NEBL: variants seen among roughly 807,000 people sequenced by gnomAD.
NEBL encodes LIM and SH3 protein 2.
A neutral mutation model predicts 140.2 loss-of-function variants in NEBL; 122 were observed. The observed-to-expected ratio is 0.87, with a 90% CI of 0.75 to 1.01. The LOEUF (loss-of-function observed/expected upper bound fraction) is 1.01, where lower values mean the gene tolerates loss of function less well. NEBL is among the 50% of genes least tolerant of loss of function. NEBL has a pLI of 0.00. For missense variants in NEBL, 1,365 were observed against 1,231.3 expected, an observed-to-expected ratio of 1.11 and a Z score of -1.62; for synonymous variants, 436 against 398.9, an observed-to-expected ratio of 1.09 and a Z score of -1.11.
intron 3 of NEBL, among the ~76,000 whole-genome samples, chr10:21,191,494 A>G (rs1191280579): frequency 6.6e-6 from 1 of 152,208 alleles, no homozygotes; most frequent in Non-Finnish European, 1.5e-5. Flanking sequence ...ATACCAGGTT[A>G]GGAAGTCAGA....
chr10:21,030,636 G>A, intron 2 of NEBL: 1 of 540,858 alleles, frequency 1.8e-6, no homozygotes, highest in Non-Finnish European at 3.6e-6. Flanking sequence ...GACCAGCAAG[G>A]AAAGATGAAA....
At chr10:21,030,093 G>A in intron 2 of NEBL, 1 of 471,264 alleles carries the variant, frequency 2.1e-6, no homozygotes, top group South Asian at 2.0e-5. Context: ...TTTGTCTTTG[G>A]AGGGGCAAAG....
chr10:21,119,938 C>T (rs947524473), intron 2 of NEBL, among the ~76,000 whole-genome samples: 7 of 152,066 alleles, frequency 4.6e-5, no homozygotes, highest in African/African-American at 1.7e-4. Context: ...GAGGATAACA[C>T]CTCATTTGCG....
chr10:20,920,919 G>C (rs193062286), intron 4 of NEBL, among the ~76,000 whole-genome samples: 332 of 152,024 alleles, frequency 2.2e-3, no homozygotes, highest in South Asian at 4.8e-3. Context: ...GTATGATTAG[G>C]TCCATTTATT....
At chr10:21,177,655 G>A (rs1340530161), upstream of NEBL, among the ~76,000 whole-genome samples, 4 of 151,398 alleles carry the variant, frequency 2.6e-5, no homozygotes, top group East Asian at 1.9e-4. Context: ...TCAGCCTCCC[G>A]AGTAGCTGGG....
intron 3 of NEBL, among the ~76,000 whole-genome samples, chr10:21,238,258 G>C (rs1184197612): frequency 6.6e-6 from 1 of 152,184 alleles, no homozygotes; most frequent in Non-Finnish European, 1.5e-5. Flanking sequence ...AGTCATTTCA[G>C]GGGAAAGGGT....
At chr10:21,202,461 C>CTTTTTTTT (rs35623208) in intron 3 of NEBL, among the ~76,000 whole-genome samples, 7,542 of 116,854 alleles carry the variant, frequency 0.065, 442 homozygotes, top group African/African-American at 0.1. Context: ...TTTTCTTTTT[C>CTTTTTTTT]TTTTTTTTTT....
chr10:20,961,799 GA>G, intron 3 of NEBL: 1 of 1,580,842 alleles, frequency 6.3e-7, no homozygotes, highest in East Asian at 2.2e-5. Context: ...AGGGGGAAAA[GA>G]AAAGTGAACA....
intron 3 of NEBL, among the ~76,000 whole-genome samples, chr10:20,980,411 G>C (rs969143379): frequency 1.1e-4 from 17 of 151,996 alleles, no homozygotes; most frequent in African/African-American, 3.9e-4. Context: ...ATATTTAGGT[G>C]CTTGAGAAAG....
chr10:21,107,833 C>A (rs1385914009), intron 2 of NEBL, among the ~76,000 whole-genome samples: 1 of 152,142 alleles, frequency 6.6e-6, no homozygotes, highest in African/African-American at 2.4e-5. Context: ...TTAATTATTG[C>A]CTCAATTTCA....
At chr10:21,267,636 T>C (rs1055174220) in intron 1 of NEBL, among the ~76,000 whole-genome samples, 4 of 152,158 alleles carry the variant, frequency 2.6e-5, no homozygotes, top group Non-Finnish European at 4.4e-5. Flanking sequence ...GTGTACATGT[T>C]CCCGACAGTG....
At chr10:21,047,173 T>C (rs1226892946) in intron 2 of NEBL, among the ~76,000 whole-genome samples, 3 of 152,202 alleles carry the variant, frequency 2.0e-5, no homozygotes, top group African/African-American at 7.2e-5. Context: ...AGATCATCTA[T>C]TTAGTCACTT....
At chr10:20,817,402 C>T (rs1035077419) in intron 21 of NEBL, among the ~76,000 whole-genome samples, 198 bp downstream of exon 21, 6 of 152,072 alleles carry the variant, frequency 3.9e-5, no homozygotes, top group East Asian at 1.9e-4. Context: ...CCTGATGAGT[C>T]ACTGGGAACC....
In NEBL at chr10:21,146,858, C is replaced by T. The variant is rs536525930; in HGVS notation, c.164+25525G>A. 2.6e-3 allele frequency among the ~76,000 whole-genome samples: 391 copies of T among 152,090 alleles called. 1 individual carries two copies. Among genetic ancestry groups the T allele is most frequent in the African/African-American group, 8.8e-3 (365 of 41,464 alleles). ...TGGTCTATTATTTTCATAATCAATT[C>T]GGACACAATTATCTGACTAAACAGC... On this transcript the variant is annotated intron_variant, in intron 2 of 6. Coordinates refer to the NEBL transcript ENST00000417816.
At chr10:20,854,436 G>A (rs977276403) in intron 9 of NEBL, among the ~76,000 whole-genome samples, 1 of 152,158 alleles carries the variant, frequency 6.6e-6, no homozygotes, top group Non-Finnish European at 1.5e-5. Context: ...GTCCCCAGAG[G>A]GAGCCTGGCC....
chr10:21,099,543 T>C (rs1248836440), intron 2 of NEBL, among the ~76,000 whole-genome samples: 1 of 152,222 alleles, frequency 6.6e-6, no homozygotes, highest in Non-Finnish European at 1.5e-5. Context: ...TTTTATTTAT[T>C]TCATCTTGAC....
rs911654955 is a variant in NEBL at position 20,785,414 on chromosome 10, C to T, written c.*333G>A. The T allele has an allele frequency of 9.1e-6, 3 of 329,972 alleles. No individual in the cohort carries two copies. The highest frequency in any genetic ancestry group is 7.2e-5 in the East Asian group (1 of 13,958). The allele number at this position is 329,972 out of a possible 1,614,324, so 20.4% of individuals were successfully genotyped here. A position where few individuals can be genotyped will look rare whatever the true frequency, so the allele number is the denominator to read the frequency against. ...TGACAGCTAAGAAGTTTCAAACACA[C>T]ACTACATTTAAGGGACAATCAACTT... On this transcript the variant is annotated 3_prime_UTR_variant, in exon 28 of 28. Transcript: ENST00000377122.
intron 9 of NEBL, among the ~76,000 whole-genome samples, chr10:20,857,661 C>A (rs1843219501): frequency 6.6e-6 from 1 of 152,110 alleles, no homozygotes; most frequent in African/African-American, 2.4e-5. Flanking sequence ...GAGAGTCCTG[C>A]AGGACTGACC....
In NEBL at chr10:20,888,110, T is replaced by C; in HGVS notation, c.356A>G (p.Gln119Arg). Residue 119 changes from glutamine to arginine, a missense_variant, in exon 4 of 28, where the codon CAG (glutamine) becomes CGG (arginine). This residue lies in a region of NEBL where 1,323 missense variants were observed against 1,154.8 expected (regional missense o/e 1.15). Transcript: ENST00000377122. Reference sequence around the variant, plus strand: ...GAAAAACCCTACCTCACTCTGGAGCTGTGTAACTTCTCCTGCAAAAACACT... The same window carrying C: ...GAAAAACCCTACCTCACTCTGGAGCCGTGTAACTTCTCCTGCAAAAACACT... Reference protein sequence around the residue: ...IDSVFAGEVTQLQSEVAYKQK... With the variant: ...IDSVFAGEVTRLQSEVAYKQK... 6.2e-7 allele frequency: 1 copy of C among 1,608,250 alleles called. No homozygotes were observed. The highest frequency in any genetic ancestry group is 1.1e-5 in the South Asian group (1 of 90,950).
Sources: gnomAD v4.1 joint callset for allele counts (sites outside exome capture counted in the v4.1 genomes callset) on GRCh38, gnomAD v4.1.1 for gene constraint, gnomAD v4.1.1 regional missense constraint, MANE v1.5 for transcripts, NCBI Gene and HGNC (gene_info 2026-07-23, HGNC 2026-07-21) for gene names.